The following ATP10A variants were observed in gnomAD, a reference collection of about 807,000 sequenced individuals.
The protein encoded by ATP10A is ATPase phospholipid transporting 10A (putative).
A neutral mutation model predicts 147.8 loss-of-function variants in ATP10A; 111 were observed. That is an observed-to-expected ratio of 0.75 (90% CI 0.64 to 0.88). The LOEUF is 0.88. Ranked by LOEUF, ATP10A falls within the 40% of genes least tolerant of loss-of-function variation. The pLI is 0.00. For missense variants in ATP10A, 1,927 were observed against 1,959.0 expected (o/e 0.98, Z 0.31); for synonymous variants, 875 against 841.6 (o/e 1.04, Z -0.69).
intron 14 of ATP10A, among the ~76,000 whole-genome samples, chr15:25,693,585 AG>A (rs2140316105): frequency 6.6e-6 from 1 of 152,272 alleles, no homozygotes; most frequent in Non-Finnish European, 1.5e-5. Flanking sequence ...AGGCTGGGAC[AG>A]GGGTGGTGCA....
In ATP10A at chr15:25,766,939, A is replaced by G. The variant is rs533913934; in HGVS notation, c.654+14080T>C. ...AAAAAAAAACTTTAATGGGCCCCAT[A>G]TAACTTAATACATGGACATTCACAG... On this transcript the variant is annotated intron_variant, in intron 2 of 20. Transcript: ENST00000555815. Among the ~76,000 whole-genome samples, 3 of 151,598 alleles carry G rather than the reference A, an allele frequency of 2.0e-5. No individual in the cohort carries two copies. The South Asian group carries it at 6.3e-4, about 32-fold the overall frequency.
At chr15:25,839,276 C>A (rs11636841) in intron 1 of ATP10A, among the ~76,000 whole-genome samples, 95,263 of 152,092 alleles carry the variant, frequency 0.63, 32,288 homozygotes, top group East Asian at 0.91. Flanking sequence ...ACTACAAGAA[C>A]AAGTACATTA....
chr15:25,741,754 A>G (rs989452704), intron 2 of ATP10A, among the ~76,000 whole-genome samples: 22 of 152,164 alleles, frequency 1.4e-4, no homozygotes, highest in Non-Finnish European at 8.8e-5. Flanking sequence ...TCAGGTGAAC[A>G]TTTTCAATTT....
intron 1 of ATP10A, among the ~76,000 whole-genome samples, chr15:25,803,231 C>T (rs1891018951): frequency 2.0e-5 from 3 of 152,240 alleles, no homozygotes; most frequent in Admixed American, 2.0e-4. Flanking sequence ...TCGGGCACTT[C>T]CGCCACACCG....
intron 1 of ATP10A, among the ~76,000 whole-genome samples, chr15:25,798,319 C>T (rs557243061): frequency 2.0e-5 from 3 of 152,276 alleles, no homozygotes; most frequent in African/African-American, 4.8e-5. Flanking sequence ...ACATACAGGC[C>T]GCACCTTCCC....
intron 2 of ATP10A, among the ~76,000 whole-genome samples, chr15:25,754,109 T>G (rs1888296014): frequency 6.6e-6 from 1 of 151,898 alleles, no homozygotes; most frequent in Admixed American, 6.6e-5. Context: ...TGTGCTGCGG[T>G]TTTTTATTTT....
intron 10 of ATP10A, chr15:25,710,371 G>A (rs1188659446): frequency 6.6e-6 from 1 of 152,408 alleles, no homozygotes; most frequent in Non-Finnish European, 1.5e-5. Context: ...AGGAGGCTAA[G>A]GGGCACAGCT....
chr15:25,729,955 G>A (rs1047011263), intron 3 of ATP10A, among the ~76,000 whole-genome samples: 5 of 152,116 alleles, frequency 3.3e-5, no homozygotes, highest in Admixed American at 6.5e-5. Flanking sequence ...TCCAGTGGGG[G>A]ATGACAGGAA....
chr15:25,752,844 G>A (rs1429626490), intron 2 of ATP10A, among the ~76,000 whole-genome samples: 2 of 151,900 alleles, frequency 1.3e-5, no homozygotes, highest in African/African-American at 2.4e-5. Flanking sequence ...TTTCAGCAAC[G>A]TTTTATAGTT....
chr15:25,814,881 C>T (rs1891584229), intron 1 of ATP10A, among the ~76,000 whole-genome samples: 1 of 152,184 alleles, frequency 6.6e-6, no homozygotes, highest in South Asian at 2.1e-4. Flanking sequence ...TTGTCACAGC[C>T]TGGCACCAAT....
intron 1 of ATP10A, among the ~76,000 whole-genome samples, chr15:25,827,025 T>C (rs529564565): frequency 2.0e-5 from 3 of 152,306 alleles, no homozygotes; most frequent in South Asian, 2.1e-4. Context: ...AAAAAAGTGA[T>C]GCAAGTCATA....
chr15:25,848,429 C>G (rs1408058734), intron 1 of ATP10A, among the ~76,000 whole-genome samples: 1 of 152,164 alleles, frequency 6.6e-6, no homozygotes, highest in Admixed American at 6.5e-5. Context: ...CCTGGGACTA[C>G]AGGCTTGTGC....
chr15:25,718,137 G>A (rs746670267), intron 8 of ATP10A, 45 bp downstream of exon 8: 2 of 1,578,740 alleles, frequency 1.3e-6, no homozygotes, highest in African/African-American at 2.7e-5. Flanking sequence ...GTGAAAATGG[G>A]GAAGAGACGT....
rs1238089011 is a variant in ATP10A, at chr15:25,713,680, A to G, written c.2338T>C (p.Ser780Pro). The G allele has an allele frequency of 1.9e-6, 3 of 1,613,722 alleles. No homozygotes were observed. Among genetic ancestry groups the G allele is most frequent in the East Asian group, 2.2e-5 (1 of 44,876 alleles). The change falls in exon 10 of 21, where the codon TCT becomes CCT. Residue 780 changes from serine (S) to proline (P), a missense_variant. By Grantham distance (74) the Ser-to-Pro change is moderately conservative. Coordinates refer to ENST00000555815, the MANE Select transcript of ATP10A (RefSeq NM_024490.4). ...SVVMDLLQPC[S>P]SVDARGRHQK... The stretch of plus-strand genomic sequence containing the variant: ...TGGGCAGGGGTGGGAGTACCTGAAG[A>G]GCAGGGCTGCAGGAGATCCATGACC...
Position 25,784,931 on chromosome 15 carries a change from AAAAAGAAAAAG to A in ATP10A, c.450-3719_450-3709del, listed in dbSNP as rs1472320485. On this transcript the variant is annotated intron_variant, in intron 1 of 20. Coordinates refer to ENST00000555815, the MANE Select transcript of ATP10A (RefSeq NM_024490.4). ...AGCGAGACCCCGTGTCAAAAAAAAA[AAAAAGAAAAAG>A]AAAAGGCCCTGCAGTCCATGGGAAT... Among the ~76,000 whole-genome samples the A allele has an allele frequency of 6.6e-5, 10 of 151,880 alleles. No homozygotes were observed. The East Asian group carries it at 1.4e-3, about 21-fold the overall frequency.
Position 25,862,938 on chromosome 15 carries a change from G to GCGCCGCCGT in ATP10A, c.150_158dup (p.Arg51_Arg53dup). The GCGCCGCCGT allele has an allele frequency of 6.3e-7, 1 of 1,580,366 alleles. No homozygotes were observed. Among genetic ancestry groups the GCGCCGCCGT allele is most frequent in the Non-Finnish European group, 8.6e-7 (1 of 1,167,536 alleles). On this transcript the variant is annotated inframe_insertion, in exon 1 of 21. Transcript: ENST00000555815. ...TGTCGGCCAGGTGCTGGGCACACCCGCGCCGCCGTCGCCGCTCGCCCTTGG... is the reference window on the plus strand; with the variant it reads ...TGTCGGCCAGGTGCTGGGCACACCCGCGCCGCCGTCGCCGCCGTCGCCGCTCGCCCTTGG...
At chr15:25,745,164 A>G (rs936068958) in intron 2 of ATP10A, among the ~76,000 whole-genome samples, 1 of 152,054 alleles carries the variant, frequency 6.6e-6, no homozygotes, top group South Asian at 2.1e-4. Context: ...CAACTCTACT[A>G]AAAATACAAA....
At position 25,746,207 on chromosome 15, in the gene ATP10A, G is replaced by A. The variant is rs184978273; in HGVS notation, c.655-10066C>T. 4.4e-3 allele frequency among the ~76,000 whole-genome samples: 675 copies of A among 152,134 alleles called. 1 individual carries two copies. The highest frequency in any genetic ancestry group is 0.016 in the African/African-American group (650 of 41,524). On this transcript the variant is annotated intron_variant, in intron 2 of 20. Coordinates refer to ENST00000555815, the MANE Select transcript of ATP10A (RefSeq NM_024490.4). ...AAAGAGTAACAAAAAGAAAGCTAGC[G>A]TGCCTGTATTAATATTAGATAATAT...
intron 1 of ATP10A, among the ~76,000 whole-genome samples, chr15:25,851,088 T>C (rs1246594603): frequency 1.3e-5 from 2 of 152,018 alleles, no homozygotes; most frequent in Non-Finnish European, 2.9e-5. Flanking sequence ...GGGAGCCTTG[T>C]CAAGTCTGGC....
Sources: allele counts gnomAD v4.1 joint callset (sites outside exome capture counted in the v4.1 genomes callset), GRCh38; gene constraint gnomAD v4.1.1; transcripts MANE v1.5; gene names NCBI Gene and HGNC (gene_info 2026-07-23, HGNC 2026-07-21).